AGBL1: variants seen among roughly 807,000 people sequenced by gnomAD.
AGBL1 encodes cytosolic carboxypeptidase 4.
Under a neutral mutation model 118.9 loss-of-function variants are expected in AGBL1, and 130 were observed. The observed-to-expected ratio is 1.09, with a 90% CI of 0.95 to 1.26. The LOEUF (loss-of-function observed/expected upper bound fraction) is 1.26, where lower values mean the gene tolerates loss of function less well. Among genes scored for constraint, AGBL1 ranks in the 50% most tolerant of loss-of-function variants. The pLI is 0.00. For synonymous variants in AGBL1, 555 were observed against 478.9 expected, an observed-to-expected ratio of 1.16 and a Z score of -2.08; for missense variants, 1,584 against 1,298.1, an observed-to-expected ratio of 1.22 and a Z score of -3.38.
At chr15:86,225,047 TTC>T in intron 6 of AGBL1, 96 bp downstream of exon 6, 1 of 1,182,152 alleles carries the variant, frequency 8.5e-7, no homozygotes, top group Non-Finnish European at 1.2e-6. Flanking sequence ...TTTTTTTTTT[TTC>T]ATGAACTACT....
chr15:86,209,742 C>T (rs926104987), intron 5 of AGBL1, among the ~76,000 whole-genome samples: 1 of 152,136 alleles, frequency 6.6e-6, no homozygotes, highest in African/African-American at 2.4e-5. Flanking sequence ...GAATACAGCA[C>T]ATTGATAGGT....
intron 6 of AGBL1, among the ~76,000 whole-genome samples, chr15:86,229,784 T>C (rs1010626084): frequency 6.6e-6 from 1 of 152,210 alleles, no homozygotes; most frequent in African/African-American, 2.4e-5. Context: ...ATGCCTGATT[T>C]GTACTGGCTC....
chr15:86,096,082 G>C lies in AGBL1; in HGVS notation c.51+16059G>C, dbSNP rs1597386976. 2.0e-5 allele frequency among the ~76,000 whole-genome samples: 3 copies of C among 151,090 alleles called. No individual in the cohort carries two copies. In the South Asian group the frequency reaches 6.3e-4, roughly 32 times the overall value. On this transcript the variant is annotated intron_variant, in intron 1 of 22. Transcript: ENST00000614907. ...TAAAATTTTTTTGTTTCTTTTTCTA[G>C]AACTGCATGTCAAAAATGTAATCAT...
intron 17 of AGBL1, among the ~76,000 whole-genome samples, chr15:86,387,318 C>T (rs950456867): frequency 4.6e-5 from 7 of 152,094 alleles, no homozygotes; most frequent in African/African-American, 1.4e-4. Flanking sequence ...TCAGGAGTGA[C>T]AGGAAAGGAG....
At chr15:86,529,667 A>G (rs1178090006) in intron 19 of AGBL1, among the ~76,000 whole-genome samples, 1 of 147,488 alleles carries the variant, frequency 6.8e-6, no homozygotes, top group East Asian at 2.0e-4. Context: ...CAGATTCACC[A>G]AAGTTGAAAT....
chr15:86,919,732 A>C (rs937896709), downstream of AGBL1, among the ~76,000 whole-genome samples: 1 of 152,108 alleles, frequency 6.6e-6, no homozygotes, highest in African/African-American at 2.4e-5. Flanking sequence ...TTATAAATAG[A>C]AGCGACTGCG....
At chr15:86,252,008 A>G (rs2078824159) in intron 7 of AGBL1, among the ~76,000 whole-genome samples, 1 of 152,216 alleles carries the variant, frequency 6.6e-6, no homozygotes, top group Admixed American at 6.5e-5. Context: ...AAACTTGAGC[A>G]TGCATCAAAG....
chr15:86,288,405 A>C (rs1597685116), intron 16 of AGBL1, among the ~76,000 whole-genome samples: 1 of 152,116 alleles, frequency 6.6e-6, no homozygotes, highest in Admixed American at 6.6e-5. Flanking sequence ...TCTACTTCTT[A>C]TATCAGGGCT....
chr15:86,319,851 G>C (rs1383306232), intron 17 of AGBL1, among the ~76,000 whole-genome samples: 1 of 136,936 alleles, frequency 7.3e-6, no homozygotes, highest in African/African-American at 2.8e-5. Context: ...TCGCCTCCTG[G>C]GTTCAAGTGA....
intron 5 of AGBL1, among the ~76,000 whole-genome samples, chr15:86,200,176 T>G (rs992735663): frequency 6.6e-6 from 1 of 152,248 alleles, no homozygotes; most frequent in Non-Finnish European, 1.5e-5. Context: ...ATTATGACAA[T>G]TTAATTTTTC....
intron 21 of AGBL1, among the ~76,000 whole-genome samples, chr15:86,610,834 A>T (rs989863215): frequency 3.3e-5 from 5 of 152,002 alleles, no homozygotes; most frequent in African/African-American, 9.7e-5. Flanking sequence ...TGTCTTTCAT[A>T]AAGTATTTGT....
At chr15:86,821,789 G>A (rs2078946326) in intron 22 of AGBL1, among the ~76,000 whole-genome samples, 1 of 152,178 alleles carries the variant, frequency 6.6e-6, no homozygotes, top group Admixed American at 6.6e-5. Flanking sequence ...CTGAGGTAGT[G>A]TTTCACACAC....
At chr15:86,299,132 C>G (rs988994512) in intron 17 of AGBL1, among the ~76,000 whole-genome samples, 1 of 152,130 alleles carries the variant, frequency 6.6e-6, no homozygotes, top group Admixed American at 6.6e-5. Context: ...TGAGGACAGT[C>G]CCTTTTTGAA....
At chr15:86,240,086 T>C (rs1412063516) in intron 6 of AGBL1, among the ~76,000 whole-genome samples, 1 of 152,228 alleles carries the variant, frequency 6.6e-6, no homozygotes, top group Non-Finnish European at 1.5e-5. Flanking sequence ...ATCCTAGATA[T>C]GCCACTTATA....
chr15:86,703,359 C>A (rs755414917), intron 22 of AGBL1, among the ~76,000 whole-genome samples: 8 of 152,276 alleles, frequency 5.3e-5, no homozygotes, highest in Non-Finnish European at 8.8e-5. Flanking sequence ...GACTTTAACT[C>A]TGGCTCTTTT....
intron 22 of AGBL1, among the ~76,000 whole-genome samples, chr15:86,873,000 T>C (rs1179840788): frequency 6.6e-6 from 1 of 152,228 alleles, no homozygotes; most frequent in African/African-American, 2.4e-5. Flanking sequence ...TCATTTCTAA[T>C]TAGAGAGGAA....
Position 86,556,278 on chromosome 15 carries a change from G to T in AGBL1, c.2994+1741G>T, listed in dbSNP as rs747719185. 5 of 1,611,996 alleles carry T rather than the reference G, an allele frequency of 3.1e-6. No individual in the cohort carries two copies. The African/African-American group carries it at 5.3e-5, about 17-fold the overall frequency. The stretch of plus-strand genomic sequence containing the variant: ...AATGAAAGGGCTCACCCAGTGGATG[G>T]CCTTCAGGTATTGGAGCAGCATTTA... On this transcript the variant is annotated intron_variant, in intron 21 of 22. Transcript: ENST00000614907.
At chr15:87,009,265 C>A (rs1015054636) in intron 24 of AGBL1, among the ~76,000 whole-genome samples, 1 of 152,104 alleles carries the variant, frequency 6.6e-6, no homozygotes, top group African/African-American at 2.4e-5. Context: ...CCAGCCATGA[C>A]TAAAAGGGGC....
At chr15:86,136,452 A>T (rs2076890530) in intron 1 of AGBL1, among the ~76,000 whole-genome samples, 1 of 152,302 alleles carries the variant, frequency 6.6e-6, no homozygotes, top group South Asian at 2.1e-4. Flanking sequence ...GCAGCCCTGG[A>T]GTTGTGCAGA....
Sources: gnomAD v4.1 joint callset for allele counts (sites outside exome capture counted in the v4.1 genomes callset) on GRCh38, gnomAD v4.1.1 for gene constraint, MANE v1.5 for transcripts, NCBI Gene and HGNC (gene_info 2026-07-23, HGNC 2026-07-21) for gene names.